The following TBC1D3G variants were observed in gnomAD, a reference collection of about 807,000 sequenced individuals.
TBC1D3G encodes TBC1 domain family member-like.
chr17:36,333,156 C>G (rs1296455055), intron 13 of TBC1D3G, among the ~76,000 whole-genome samples: 1 of 112,528 alleles, frequency 8.9e-6, no homozygotes, highest in Non-Finnish European at 1.8e-5. Context: ...CAACAAGCCC[C>G]CTCCCACTTT....
At chr17:36,318,255 C>T in the TBC1D3G span, among the ~76,000 whole-genome samples, 5 of 60,774 alleles carry the variant, frequency 8.2e-5, no homozygotes, top group Admixed American at 7.1e-4. Flanking sequence ...GTAATCCCAG[C>T]ACTTTGGGAG....
chr17:36,332,451 A>ACT, intron 12 of TBC1D3G, 62 bp downstream of exon 12: 3 of 1,241,764 alleles, frequency 2.4e-6, no homozygotes, highest in Middle Eastern at 3.3e-4. Flanking sequence ...GACTGGCCCG[A>ACT]GGGCAGCTTC....
the TBC1D3G span, among the ~76,000 whole-genome samples, chr17:36,317,624 T>A: frequency 6.7e-6 from 1 of 148,988 alleles, no homozygotes; most frequent in Non-Finnish European, 1.5e-5. Context: ...ATTTTATCTG[T>A]CACTCATATT....
chr17:36,320,062 T>TA (rs1179383221), upstream of TBC1D3G: 34,800 of 287,096 alleles, frequency 0.12, 5 homozygotes, highest in South Asian at 0.14. Flanking sequence ...GGGGATAAGG[T>TA]AAAAAAAAAA....
chr17:36,332,573 C>G (rs1394740305), intron 12 of TBC1D3G, among the ~76,000 whole-genome samples, 184 bp downstream of exon 12: 2 of 123,674 alleles, frequency 1.6e-5, no homozygotes, highest in East Asian at 1.2e-3. Context: ...AGATGAAAGT[C>G]GAGAGTGTGG....
At chr17:36,317,662 CTTAT>C in the TBC1D3G span, among the ~76,000 whole-genome samples, 2 of 149,710 alleles carry the variant, frequency 1.3e-5, no homozygotes, top group Non-Finnish European at 3.0e-5. Flanking sequence ...ACTATGCATT[CTTAT>C]TTAACAGGTG....
chr17:36,330,814 G>C (rs1278352702), intron 9 of TBC1D3G, among the ~76,000 whole-genome samples: 2 of 50,704 alleles, frequency 3.9e-5, no homozygotes, highest in Non-Finnish European at 7.1e-5. Context: ...CTGTGTCCTG[G>C]AGCCACGCCC....
rs2069411304 is a variant in TBC1D3G at position 36,332,825 on chromosome 17, TG to T, written c.997del (p.Ala333ProfsTer15). ...ARFCNRFVDT[W>X]ARDEDTVLKH... ...TTTTTGCAACCGGTTCGTTGATACC[TG>T]GGCCAGGGATGAGGACACTGTGCTC... On this transcript the variant is annotated frameshift_variant, in exon 13 of 14. Transcript: ENST00000569055. LOFTEE classifies it high-confidence loss of function. 2.0e-5 allele frequency: 15 copies of T among 757,738 alleles called. No homozygotes were observed. The highest frequency in any genetic ancestry group is 2.6e-5 in the Non-Finnish European group (14 of 547,558). The allele number at this position is 757,738 out of a possible 1,614,324, so 46.9% of individuals were successfully genotyped here.
chr17:36,323,703 A>G (rs1368988503), upstream of TBC1D3G, among the ~76,000 whole-genome samples: 31 of 123,932 alleles, frequency 2.5e-4, no homozygotes, highest in South Asian at 9.7e-4. Context: ...CCACATACAC[A>G]TGTGCACGCA....
chr17:36,317,689 T>C, the TBC1D3G span, among the ~76,000 whole-genome samples: 18 of 149,978 alleles, frequency 1.2e-4, 1 homozygote, highest in African/African-American at 4.5e-4. Context: ...AATTTTATAT[T>C]CCATAAGTGC....
At chr17:36,333,391 C>CCCAGAG (rs1471736758) in intron 13 of TBC1D3G, among the ~76,000 whole-genome samples, 1 of 54,116 alleles carries the variant, frequency 1.8e-5, no homozygotes, top group Admixed American at 1.5e-4. Context: ...AGGGAGAGGG[C>CCCAGAG]CCAGAGCCAG....
At chr17:36,330,618 GC>G in intron 9 of TBC1D3G, 50 bp downstream of exon 9, 1 of 382,050 alleles carries the variant, frequency 2.6e-6, no homozygotes, top group Non-Finnish European at 4.5e-6. Context: ...CCTGGGGATG[GC>G]CACCCTGGCC....
chr17:36,327,474 CA>C (rs1187475517), intron 4 of TBC1D3G, 62 bp from the exon 5 acceptor site: 1 of 1,304,540 alleles, frequency 7.7e-7, no homozygotes, highest in Non-Finnish European at 9.6e-7. Flanking sequence ...CAAGACCCAG[CA>C]TCTGCGGGCG....
At chr17:36,332,503 G>T in intron 12 of TBC1D3G, 114 bp downstream of exon 12, 1 of 1,376,442 alleles carries the variant, frequency 7.3e-7, no homozygotes, top group Non-Finnish European at 9.4e-7. Flanking sequence ...CCCAGAGGGA[G>T]GTCTGGCCAG....
At chr17:36,326,471 G>T (rs1486477106) in intron 3 of TBC1D3G, among the ~76,000 whole-genome samples, 1 of 82,630 alleles carries the variant, frequency 1.2e-5, no homozygotes, top group African/African-American at 3.9e-5. Context: ...GAAACGCAGG[G>T]TGTGTGGCTC....
At chr17:36,317,982 T>C in the TBC1D3G span, among the ~76,000 whole-genome samples, 14 of 94,684 alleles carry the variant, frequency 1.5e-4, 1 homozygote, top group African/African-American at 7.4e-4. Context: ...TTTTTTTTTT[T>C]CCCTCTTCTT....
the TBC1D3G span, among the ~76,000 whole-genome samples, chr17:36,318,453 A>AG: frequency 8.4e-6 from 1 of 119,402 alleles, no homozygotes; most frequent in Admixed American, 8.3e-5. Context: ...AAAAAAAAAA[A>AG]AAAAAAAAAA....
At chr17:36,324,019 T>TG (rs2069380164) in intron 1 of TBC1D3G, 37 bp downstream of exon 1, 1 of 82,984 alleles carries the variant, frequency 1.2e-5, no homozygotes, top group Non-Finnish European at 2.4e-5. Flanking sequence ...CAGGCGGACT[T>TG]GGGGGCAGTG....
the TBC1D3G span, among the ~76,000 whole-genome samples, chr17:36,317,579 TTTA>T: frequency 5.3e-5 from 1 of 18,974 alleles, no homozygotes; most frequent in South Asian, 9.8e-3. Context: ...TTTAATAAAA[TTTA>T]GATTAAGATC....
Sources: gnomAD v4.1 joint callset for allele counts (sites outside exome capture counted in the v4.1 genomes callset) on GRCh38, gnomAD v4.1.1 for gene constraint, MANE v1.5 for transcripts, NCBI Gene and HGNC (gene_info 2026-07-23, HGNC 2026-07-21) for gene names.